The following RANBP2 variants were observed in gnomAD, a reference collection of about 807,000 sequenced individuals.
RANBP2 encodes RAN binding protein 2, also known as E3 SUMO-protein ligase RanBP2.
In RANBP2, 57 loss-of-function variants were observed where a neutral mutation model predicts 303.6. The observed-to-expected ratio is 0.19, with a 90% CI of 0.15 to 0.23. The LOEUF (loss-of-function observed/expected upper bound fraction) is 0.23, where lower values mean the gene tolerates loss of function less well. Ranked by LOEUF, RANBP2 falls within the 10% of genes least tolerant of loss-of-function variation. The pLI, the probability that RANBP2 is intolerant of heterozygous loss-of-function variation, is 1.00. For missense variants in RANBP2, 3,138 were observed against 3,780.8 expected (o/e 0.83, Z 4.46); for synonymous variants, 1,167 against 1,301.5 (o/e 0.90, Z 2.23).
chr2:109,416,220 C>G, the RANBP2 span, among the ~76,000 whole-genome samples: 2 of 152,134 alleles, frequency 1.3e-5, no homozygotes, highest in Non-Finnish European at 2.9e-5. Flanking sequence ...CGAAGCCCTC[C>G]CAGCCACGCC....
the RANBP2 span, among the ~76,000 whole-genome samples, chr2:109,235,832 C>T: frequency 6.6e-6 from 1 of 152,232 alleles, no homozygotes; most frequent in Non-Finnish European, 1.5e-5. Context: ...TGGGCCTCCT[C>T]TCCTACATGC....
At chr2:109,495,477 CTTTTTTTTTTTTTTTTTTTTTT>C in the RANBP2 span, among the ~76,000 whole-genome samples, 2 of 94,238 alleles carry the variant, frequency 2.1e-5, no homozygotes, top group Non-Finnish European at 4.0e-5. Context: ...TCTTTCATTC[CTTTTTTTTTTTTTTTTTTTTTT>C]TTTTTTTTTT....
the RANBP2 span, among the ~76,000 whole-genome samples, chr2:109,631,529 G>T: frequency 6.6e-6 from 1 of 152,130 alleles, no homozygotes; most frequent in Non-Finnish European, 1.5e-5. Flanking sequence ...GCCAAGGTGG[G>T]CAGATCACCT....
chr2:109,390,916 CTG>C, the RANBP2 span, among the ~76,000 whole-genome samples: 1 of 152,194 alleles, frequency 6.6e-6, no homozygotes, highest in East Asian at 1.9e-4. Context: ...CTGCTGTGGG[CTG>C]TGTGACAGCT....
At chr2:109,295,212 G>A in the RANBP2 span, among the ~76,000 whole-genome samples, 1 of 152,234 alleles carries the variant, frequency 6.6e-6, no homozygotes. Flanking sequence ...GCTCATGGCA[G>A]GCATGCAGGC....
At chr2:108,967,860 GC>G in the RANBP2 span, among the ~76,000 whole-genome samples, 26 of 152,120 alleles carry the variant, frequency 1.7e-4, no homozygotes, top group Admixed American at 1.7e-3. Context: ...GTTATTGAGA[GC>G]AGTGACTTCA....
chr2:109,216,993 C>T, the RANBP2 span, among the ~76,000 whole-genome samples: 1 of 152,172 alleles, frequency 6.6e-6, no homozygotes, highest in East Asian at 1.9e-4. Context: ...TACTTTGTTT[C>T]TTTGAATTTG....
the RANBP2 span, among the ~76,000 whole-genome samples, chr2:109,462,600 C>CATATTGCTT: frequency 6.6e-6 from 1 of 152,288 alleles, no homozygotes; most frequent in East Asian, 1.9e-4. Context: ...TCTAGGAATG[C>CATATTGCTT]ATATTGCTTT....
the RANBP2 span, among the ~76,000 whole-genome samples, chr2:109,578,624 C>T: frequency 9.9e-5 from 15 of 152,046 alleles, no homozygotes; most frequent in Middle Eastern, 3.4e-3. Flanking sequence ...AAAATTAGCT[C>T]GGAGTGCTGG....
chr2:109,284,305 G>A, the RANBP2 span, among the ~76,000 whole-genome samples: 1 of 152,226 alleles, frequency 6.6e-6, no homozygotes, highest in Admixed American at 6.5e-5. Flanking sequence ...GAGTATTACT[G>A]AAAGGCATTT....
the RANBP2 span, among the ~76,000 whole-genome samples, chr2:108,991,049 A>G: frequency 1.3e-5 from 2 of 152,210 alleles, no homozygotes; most frequent in South Asian, 4.1e-4. Context: ...AATGATACTG[A>G]TATTTCCCAA....
chr2:109,631,423 A>G, the RANBP2 span, among the ~76,000 whole-genome samples: 1 of 152,210 alleles, frequency 6.6e-6, no homozygotes, highest in Non-Finnish European at 1.5e-5. Flanking sequence ...AAGTATATAG[A>G]TATCAATTAA....
At chr2:109,274,608 G>T in the RANBP2 span, among the ~76,000 whole-genome samples, 1 of 152,214 alleles carries the variant, frequency 6.6e-6, no homozygotes, top group Non-Finnish European at 1.5e-5. Context: ...AAAGCAGATT[G>T]GTGGTTGCCA....
At chr2:108,989,407 A>T in the RANBP2 span, 1 of 147,930 alleles carries the variant, frequency 6.8e-6, no homozygotes, top group Admixed American at 6.8e-5. Context: ...AAAATCATGG[A>T]TTTTTTTTTT....
the RANBP2 span, among the ~76,000 whole-genome samples, chr2:109,182,341 C>T: frequency 6.6e-6 from 1 of 152,168 alleles, no homozygotes; most frequent in Non-Finnish European, 1.5e-5. Flanking sequence ...CTAGCCCACT[C>T]CCATGACAAT....
At chr2:109,622,529 G>A in the RANBP2 span, among the ~76,000 whole-genome samples, 2 of 152,154 alleles carry the variant, frequency 1.3e-5, no homozygotes, top group African/African-American at 2.4e-5. Context: ...GGATTTTTAG[G>A]GGTTTGCATT....
chr2:108,760,235 C>A (rs1676631997), intron 18 of RANBP2, among the ~76,000 whole-genome samples: 1 of 152,156 alleles, frequency 6.6e-6, no homozygotes, highest in Non-Finnish European at 1.5e-5. Context: ...ATTAACATTT[C>A]CTATATTTGA....
At chr2:109,261,991 T>C in the RANBP2 span, among the ~76,000 whole-genome samples, 1,115 of 152,294 alleles carry the variant, frequency 7.3e-3, 8 homozygotes, top group South Asian at 0.024. Flanking sequence ...CACAAAGCTC[T>C]ATAAAACCAG....
At chr2:109,172,997 A>G in the RANBP2 span, among the ~76,000 whole-genome samples, 1 of 152,270 alleles carries the variant, frequency 6.6e-6, no homozygotes, top group Non-Finnish European at 1.5e-5. Flanking sequence ...GTCTTCACGC[A>G]GATGTCAGTA....
Sources: gnomAD v4.1 joint callset for allele counts (sites outside exome capture counted in the v4.1 genomes callset) on GRCh38, gnomAD v4.1.1 for gene constraint, MANE v1.5 for transcripts, NCBI Gene and HGNC (gene_info 2026-07-23, HGNC 2026-07-21) for gene names.